Variants in ERC2 observed in about 807,000 individuals in gnomAD.
ERC2 encodes the protein ELKS/RAB6-interacting/CAST family member 2, also known as ERC protein 2.
ERC2 carries 42 observed loss-of-function variants against 114.8 expected under a neutral mutation model. The ratio of observed to expected loss-of-function variants is 0.37; its 90% CI spans 0.29 to 0.47. ERC2 has a LOEUF of 0.47. Ranked by LOEUF, ERC2 falls within the 20% of genes least tolerant of loss-of-function variation. The pLI is 0.99. For missense variants in ERC2, 939 were observed against 1,150.7 expected, an observed-to-expected ratio of 0.82 and a Z score of 2.66; for synonymous variants, 454 against 425.5, an observed-to-expected ratio of 1.07 and a Z score of -0.82.
chr3:55,553,011 ATTTTT>A (rs66602607), intron 17 of ERC2, among the ~76,000 whole-genome samples: 32 of 55,210 alleles, frequency 5.8e-4, no homozygotes, highest in African/African-American at 1.7e-3. Context: ...GGGCTTCCAG[ATTTTT>A]TTTTTTTTTT....
intron 14 of ERC2, among the ~76,000 whole-genome samples, chr3:55,858,609 T>C (rs1327569162): frequency 6.6e-6 from 1 of 152,218 alleles, no homozygotes; most frequent in Admixed American, 6.5e-5. Flanking sequence ...TAAAGTGCTC[T>C]GATTTACAAA....
intron 14 of ERC2, among the ~76,000 whole-genome samples, chr3:55,837,414 C>T (rs1419415813): frequency 4.6e-5 from 7 of 152,042 alleles, no homozygotes; most frequent in Admixed American, 6.5e-5. Context: ...CCATGGAATA[C>T]TATGCAGCCA....
At chr3:56,445,220 C>T (rs2062505163) in intron 1 of ERC2, among the ~76,000 whole-genome samples, 1 of 152,190 alleles carries the variant, frequency 6.6e-6, no homozygotes, top group African/African-American at 2.4e-5. Context: ...TCCTCCACTC[C>T]CATTATCTTA....
At chr3:56,002,452 G>A (rs143043701) in intron 10 of ERC2, among the ~76,000 whole-genome samples, 341 of 152,184 alleles carry the variant, frequency 2.2e-3, no homozygotes, top group African/African-American at 7.9e-3. Context: ...ATTAATAAAT[G>A]CACACAAGTC....
intron 9 of ERC2, among the ~76,000 whole-genome samples, chr3:56,009,100 A>T (rs762927299): frequency 6.6e-6 from 1 of 152,232 alleles, no homozygotes; most frequent in African/African-American, 2.4e-5. Flanking sequence ...ATTATTTACA[A>T]AACTATTTTC....
chr3:55,874,045 G>A (rs1435028024), intron 14 of ERC2, among the ~76,000 whole-genome samples: 1 of 152,218 alleles, frequency 6.6e-6, no homozygotes, highest in Non-Finnish European at 1.5e-5. Context: ...TCCATGAGAA[G>A]GAGCGCTTAG....
chr3:55,997,578 A>G (rs1038268537), intron 10 of ERC2, among the ~76,000 whole-genome samples: 2 of 149,016 alleles, frequency 1.3e-5, no homozygotes, highest in African/African-American at 2.4e-5. Flanking sequence ...ACTCTATTAT[A>G]GACTGATGAA....
intron 17 of ERC2, among the ~76,000 whole-genome samples, chr3:55,591,969 G>A (rs971209716): frequency 3.3e-5 from 5 of 152,180 alleles, no homozygotes; most frequent in Non-Finnish European, 7.3e-5. Flanking sequence ...CTGTCTCTAA[G>A]GCCTTTTTCT....
chr3:56,121,620 A>G (rs1048822639), intron 6 of ERC2, among the ~76,000 whole-genome samples: 1 of 152,182 alleles, frequency 6.6e-6, no homozygotes, highest in Non-Finnish European at 1.5e-5. Context: ...CTTAAGCAAG[A>G]GTTTTTACAT....
At chr3:55,698,150 G>A (rs1459398564) in intron 16 of ERC2, among the ~76,000 whole-genome samples, 2 of 151,828 alleles carry the variant, frequency 1.3e-5, no homozygotes, top group Non-Finnish European at 2.9e-5. Flanking sequence ...TCTGTACTTG[G>A]CTTCGGAAAT....
At chr3:55,897,394 A>T (rs1350500561) in intron 13 of ERC2, among the ~76,000 whole-genome samples, 1 of 152,228 alleles carries the variant, frequency 6.6e-6, no homozygotes, top group Non-Finnish European at 1.5e-5. Flanking sequence ...TGGAATTTTT[A>T]AAGCCATATT....
At chr3:56,145,704 G>A (rs2081100460) in intron 5 of ERC2, among the ~76,000 whole-genome samples, 3 of 152,142 alleles carry the variant, frequency 2.0e-5, no homozygotes, top group Non-Finnish European at 4.4e-5. Context: ...TGCACAAGCT[G>A]AGTTTTGCAA....
At chr3:55,842,642 T>A (rs2061183479) in intron 14 of ERC2, among the ~76,000 whole-genome samples, 1 of 151,996 alleles carries the variant, frequency 6.6e-6, no homozygotes, top group African/African-American at 2.4e-5. Flanking sequence ...CTCAACTTTA[T>A]CAAGGGTCTG....
chr3:56,343,446 G>A (rs1212428834), intron 2 of ERC2, among the ~76,000 whole-genome samples: 1 of 151,176 alleles, frequency 6.6e-6, no homozygotes, highest in Non-Finnish European at 1.5e-5. Context: ...TAGGAGGATT[G>A]CTTCAAAATT....
chr3:55,918,394 G>A (rs1261965630), intron 13 of ERC2, among the ~76,000 whole-genome samples: 1 of 152,012 alleles, frequency 6.6e-6, no homozygotes, highest in Non-Finnish European at 1.5e-5. Context: ...CAATAAATTG[G>A]TGCCAGTCAG....
intron 17 of ERC2, among the ~76,000 whole-genome samples, chr3:55,529,778 G>C (rs1022848329): frequency 4.6e-5 from 7 of 152,144 alleles, no homozygotes; most frequent in Admixed American, 4.6e-4. Context: ...CCCTCAAATG[G>C]TGCCCAGGCC....
At chr3:56,464,357 C>T (rs2063446434) in intron 1 of ERC2, among the ~76,000 whole-genome samples, 1 of 152,232 alleles carries the variant, frequency 6.6e-6, no homozygotes, top group African/African-American at 2.4e-5. Context: ...GCTGCCATCC[C>T]TTCAGCCTGG....
At chr3:56,094,442 C>T (rs9819890) in intron 6 of ERC2, among the ~76,000 whole-genome samples, 27,239 of 152,140 alleles carry the variant, frequency 0.18, 2,610 homozygotes, top group African/African-American at 0.23. Context: ...ATCTTCTGGT[C>T]CAAAACATAC....
chr3:55,826,913 G>A (rs1005820349), intron 14 of ERC2, among the ~76,000 whole-genome samples: 2 of 152,222 alleles, frequency 1.3e-5, no homozygotes, highest in Admixed American at 6.5e-5. Flanking sequence ...TTCTCCTGGA[G>A]GGCAGTGGTT....
Sources: allele counts gnomAD v4.1 joint callset (sites outside exome capture counted in the v4.1 genomes callset), GRCh38; gene constraint gnomAD v4.1.1; transcripts MANE v1.5; gene names NCBI Gene and HGNC (gene_info 2026-07-23, HGNC 2026-07-21).